The following TAFA1 variants were observed in gnomAD, a reference collection of about 807,000 sequenced individuals.
TAFA1 encodes TAFA chemokine like family member 1.
In TAFA1, 4 loss-of-function variants were observed where a neutral mutation model predicts 18.5. The ratio of observed to expected loss-of-function variants is 0.22; its 90% CI spans 0.11 to 0.49. TAFA1 has a LOEUF of 0.49. Among genes scored for constraint, TAFA1 ranks in the 20% least tolerant of loss-of-function variants. TAFA1 has a pLI of 0.98. For missense variants in TAFA1, 147 were observed against 169.0 expected (o/e 0.87, Z 0.72); for synonymous variants, 56 against 55.2 (o/e 1.01, Z -0.06).
intron 2 of TAFA1, among the ~76,000 whole-genome samples, chr3:68,357,314 A>G (rs1482735177): frequency 6.6e-6 from 1 of 151,900 alleles, no homozygotes; most frequent in Non-Finnish European, 1.5e-5. Context: ...CATTATGTAT[A>G]TATTTGTTAT....
At chr3:68,214,854 T>A (rs2066635890) in intron 2 of TAFA1, among the ~76,000 whole-genome samples, 1 of 151,890 alleles carries the variant, frequency 6.6e-6, no homozygotes, top group Admixed American at 6.6e-5. Flanking sequence ...ACACATCAAT[T>A]TTTTTTAAGT....
At chr3:68,357,366 G>T (rs1298899258) in intron 2 of TAFA1, among the ~76,000 whole-genome samples, 1 of 134,186 alleles carries the variant, frequency 7.5e-6, no homozygotes, top group Admixed American at 7.9e-5. Flanking sequence ...AGGTGGAAGG[G>T]TCTGTTTGTT....
chr3:68,509,832 C>A (rs2072819216), intron 3 of TAFA1, among the ~76,000 whole-genome samples: 1 of 152,076 alleles, frequency 6.6e-6, no homozygotes, highest in Non-Finnish European at 1.5e-5. Context: ...AAATGCCTCA[C>A]AGGGAAATAG....
intron 3 of TAFA1, among the ~76,000 whole-genome samples, chr3:68,495,224 C>T (rs2072523917): frequency 6.6e-6 from 1 of 152,176 alleles, no homozygotes; most frequent in South Asian, 2.1e-4. Flanking sequence ...CTTCCAAACC[C>T]ATTTGTGCCT....
intron 2 of TAFA1, among the ~76,000 whole-genome samples, chr3:68,293,820 C>A (rs1243750282): frequency 6.6e-6 from 1 of 152,094 alleles, no homozygotes; most frequent in Non-Finnish European, 1.5e-5. Flanking sequence ...GTGAGAAAGG[C>A]CCTTTTGATT....
chr3:68,460,260 T>C (rs1242404985), intron 3 of TAFA1, among the ~76,000 whole-genome samples: 3 of 152,102 alleles, frequency 2.0e-5, no homozygotes, highest in Non-Finnish European at 2.9e-5. Context: ...GGAAGGAAAC[T>C]TTAGAGCATC....
intron 2 of TAFA1, among the ~76,000 whole-genome samples, chr3:68,393,509 T>C (rs1327853107): frequency 1.3e-5 from 2 of 152,104 alleles, no homozygotes; most frequent in Admixed American, 6.6e-5. Flanking sequence ...CTAAGTTATT[T>C]TATGAGGCAA....
chr3:68,376,940 T>A (rs1306347540), intron 2 of TAFA1, among the ~76,000 whole-genome samples: 1 of 152,126 alleles, frequency 6.6e-6, no homozygotes, highest in Non-Finnish European at 1.5e-5. Context: ...TGTTTGACAA[T>A]TCCTCCTTCA....
chr3:68,292,338 C>T (rs1225827843), intron 2 of TAFA1, among the ~76,000 whole-genome samples: 9 of 149,830 alleles, frequency 6.0e-5, no homozygotes, highest in Admixed American at 4.0e-4. Flanking sequence ...TGCTTGAGCC[C>T]GACAGATCGA....
At chr3:68,197,699 A>G (rs2066428130) in intron 2 of TAFA1, among the ~76,000 whole-genome samples, 1 of 151,636 alleles carries the variant, frequency 6.6e-6, no homozygotes, top group Non-Finnish European at 1.5e-5. Flanking sequence ...TCAAAACAGC[A>G]AGCAGGAGCC....
chr3:68,121,981 T>C (rs1024467040), intron 2 of TAFA1, among the ~76,000 whole-genome samples: 3 of 152,170 alleles, frequency 2.0e-5, no homozygotes, highest in Non-Finnish European at 4.4e-5. Flanking sequence ...ACACTCAATA[T>C]ACTCTCAAAA....
At chr3:68,053,207 G>A (rs771081992) in intron 2 of TAFA1, among the ~76,000 whole-genome samples, 10 of 151,974 alleles carry the variant, frequency 6.6e-5, no homozygotes, top group Non-Finnish European at 1.3e-4. Context: ...CAGATATGAT[G>A]AGTCCAATGG....
At chr3:68,350,012 C>T (rs1424303539) in intron 2 of TAFA1, among the ~76,000 whole-genome samples, 1 of 152,112 alleles carries the variant, frequency 6.6e-6, no homozygotes, top group African/African-American at 2.4e-5. Context: ...TTTATCTGGC[C>T]TCTGTATAAT....
chr3:68,457,758 T>C (rs1200846941), intron 3 of TAFA1, among the ~76,000 whole-genome samples: 1 of 152,156 alleles, frequency 6.6e-6, no homozygotes, highest in African/African-American at 2.4e-5. Context: ...AACTGAAATT[T>C]TTTATCCTTT....
intron 2 of TAFA1, among the ~76,000 whole-genome samples, chr3:68,176,322 A>G (rs2066125543): frequency 6.6e-6 from 1 of 152,134 alleles, no homozygotes; most frequent in Non-Finnish European, 1.5e-5. Flanking sequence ...TTTCTACAAA[A>G]ATTGAAAAAA....
intron 2 of TAFA1, among the ~76,000 whole-genome samples, chr3:68,258,547 T>C (rs1170796469): frequency 1.3e-5 from 2 of 152,216 alleles, no homozygotes; most frequent in African/African-American, 2.4e-5. Context: ...TAAGTCGTTC[T>C]ATTTAACTGA....
the TAFA1 span, among the ~76,000 whole-genome samples, chr3:67,996,195 A>C: frequency 7.9e-5 from 12 of 152,308 alleles, no homozygotes; most frequent in African/African-American, 2.4e-4. Context: ...TGACTGCCCA[A>C]ATGAATTAGT....
intron 2 of TAFA1, among the ~76,000 whole-genome samples, chr3:68,020,008 A>T (rs1308527681): frequency 1.3e-5 from 2 of 152,182 alleles, no homozygotes; most frequent in African/African-American, 2.4e-5. Context: ...TTCAGAAACA[A>T]CCAGAATAAC....
chr3:68,157,544 A>G (rs1031599894), intron 2 of TAFA1, among the ~76,000 whole-genome samples: 1 of 152,198 alleles, frequency 6.6e-6, no homozygotes, highest in Non-Finnish European at 1.5e-5. Flanking sequence ...ATGTTTTCTA[A>G]TCAATAGAAA....
Sources: gnomAD v4.1 joint callset for allele counts (sites outside exome capture counted in the v4.1 genomes callset) on GRCh38, gnomAD v4.1.1 for gene constraint, MANE v1.5 for transcripts, NCBI Gene and HGNC (gene_info 2026-07-23, HGNC 2026-07-21) for gene names.